PCDHGA5: variants seen among roughly 807,000 people sequenced by gnomAD.
PCDHGA5 encodes the protein protocadherin gamma subfamily A, 5, also known as protocadherin gamma-A5.
PCDHGA5 carries 36 observed loss-of-function variants against 56.7 expected under a neutral mutation model. The ratio of observed to expected loss-of-function variants is 0.64; its 90% CI spans 0.49 to 0.84. The LOEUF is 0.84. Among genes scored for constraint, PCDHGA5 ranks in the 40% least tolerant of loss-of-function variants. The pLI is 0.00. For synonymous variants in PCDHGA5, 563 were observed against 520.2 expected (o/e 1.08, Z -1.12); for missense variants, 1,305 against 1,201.5 (o/e 1.09, Z -1.27).
At chr5:141,428,124 C>G in intron 1 of PCDHGA5, 2 of 1,605,400 alleles carry the variant, frequency 1.2e-6, no homozygotes, top group Non-Finnish European at 1.7e-6. Flanking sequence ...CGAGCCCGGG[C>G]TTTTCAGCCT....
chr5:141,390,207 C>G (rs1359982168), intron 1 of PCDHGA5: 5 of 1,614,028 alleles, frequency 3.1e-6, no homozygotes, highest in African/African-American at 1.3e-5. Flanking sequence ...GAGTTCAGGA[C>G]AAGACATACT....
intron 1 of PCDHGA5, chr5:141,420,142 G>T: frequency 4.3e-6 from 7 of 1,614,004 alleles, no homozygotes; most frequent in Non-Finnish European, 5.9e-6. Flanking sequence ...GGGATCAAAT[G>T]AATCCAGAAT....
In PCDHGA5 at chr5:141,485,031, C is replaced by A; in HGVS notation, c.2422-9776C>A. On this transcript the variant is annotated intron_variant, in intron 1 of 3. Coordinates refer to ENST00000518069, the MANE Select transcript of PCDHGA5 (RefSeq NM_018918.3). The surrounding 1 kb of genome is among the most constrained non-coding windows in gnomAD (Gnocchi z 5.7). Reference sequence around the variant, plus strand: ...TACCCCGCCACCAGCAAAAACGGCGCGTAACCCTTGCGGCGCCGGCCGAAC... The same window carrying A: ...TACCCCGCCACCAGCAAAAACGGCGAGTAACCCTTGCGGCGCCGGCCGAAC... The A allele has an allele frequency of 1.5e-6, 1 of 680,514 alleles. No homozygotes were observed. Among genetic ancestry groups the A allele is most frequent in the South Asian group, 1.8e-5 (1 of 54,868 alleles). 42.2% of individuals were successfully genotyped at this position (680,514 alleles called of 1,614,324 possible). A position where few individuals can be genotyped will look rare whatever the true frequency, so the allele number is the denominator to read the frequency against.
intron 1 of PCDHGA5, among the ~76,000 whole-genome samples, chr5:141,483,613 C>A (rs2099583607): frequency 6.6e-6 from 1 of 151,914 alleles, no homozygotes; most frequent in South Asian, 2.1e-4. Context: ...ACACCTCCAT[C>A]ATTCCCATGG....
Position 141,491,925 on chromosome 5 carries a change from G to C in PCDHGA5, c.2422-2882G>C. On this transcript the variant is annotated intron_variant, in intron 1 of 3. Coordinates refer to ENST00000518069, the MANE Select transcript of PCDHGA5 (RefSeq NM_018918.3). This position sits in a 1 kb window ranked among gnomAD's most constrained non-coding sequence, Gnocchi z 6.9. ...GGGTGGTGGCGACTGTGGGCGAGGG[G>C]AGGTGGGACCGACCCCCACCCCTAC... 1 of 1,325,176 alleles carries C rather than the reference G, an allele frequency of 7.5e-7. No individual in the cohort carries two copies. Among genetic ancestry groups the C allele is most frequent in the Non-Finnish European group, 1.0e-6 (1 of 987,300 alleles). The allele number at this position is 1,325,176 out of a possible 1,614,324, so 82.1% of individuals were successfully genotyped here.
At chr5:141,383,430 C>T in intron 1 of PCDHGA5, 1 of 1,614,016 alleles carries the variant, frequency 6.2e-7, no homozygotes, top group Non-Finnish European at 8.5e-7. Context: ...CCAATCGCCA[C>T]TTCTCCCTGG....
At position 141,432,181 on chromosome 5, in the gene PCDHGA5, G is replaced by A. The variant is rs1443322706; in HGVS notation, c.2422-62626G>A. 3.7e-6 allele frequency: 6 copies of A among 1,614,116 alleles called. No homozygotes were observed. In the South Asian group the frequency reaches 6.6e-5, roughly 18 times the overall value. On this transcript the variant is annotated intron_variant, in intron 1 of 3. Coordinates refer to ENST00000518069, the MANE Select transcript of PCDHGA5 (RefSeq NM_018918.3). This position sits in a 1 kb window ranked among gnomAD's most constrained non-coding sequence, Gnocchi z 6.0. ...CCAGAGGAGTTTCCCTCGTCTCTGTGACCGCCCACGACCCCGACTGTGAAG... is the reference window on the plus strand; with the variant it reads ...CCAGAGGAGTTTCCCTCGTCTCTGTAACCGCCCACGACCCCGACTGTGAAG...
intron 1 of PCDHGA5, among the ~76,000 whole-genome samples, chr5:141,437,550 A>T (rs866913156): frequency 6.6e-6 from 1 of 152,192 alleles, no homozygotes; most frequent in African/African-American, 2.4e-5. Context: ...AGTTTTCTTT[A>T]TGACATGTAA....
intron 1 of PCDHGA5, chr5:141,415,950 A>G (rs996935488): frequency 4.0e-6 from 2 of 498,646 alleles, no homozygotes; most frequent in Non-Finnish European, 6.1e-6. Flanking sequence ...GGGTGGTCAC[A>G]TATTGAAACT....
intron 1 of PCDHGA5, chr5:141,418,282 A>G (rs1209026046): frequency 6.2e-7 from 1 of 1,614,030 alleles, no homozygotes; most frequent in Admixed American, 1.7e-5. Flanking sequence ...TAAACTTAGA[A>G]ATCAGTGAAT....
In PCDHGA5 at chr5:141,491,958, A is replaced by C; in HGVS notation, c.2422-2849A>C. The C allele has an allele frequency of 2.0e-6, 2 of 999,758 alleles. No homozygotes were observed. Among genetic ancestry groups the C allele is most frequent in the Non-Finnish European group, 2.8e-6 (2 of 718,534 alleles). The allele number at this position is 999,758 out of a possible 1,614,324, so 61.9% of individuals were successfully genotyped here. The stretch of plus-strand genomic sequence containing the variant: ...ACCGACCCCCACCCCTACACTCAAA[A>C]AAGGCCGGGGCCTCCTTCGAGCTTC... On this transcript the variant is annotated intron_variant, in intron 1 of 3. Coordinates refer to ENST00000518069, the MANE Select transcript of PCDHGA5 (RefSeq NM_018918.3). The surrounding 1 kb of genome is among the most constrained non-coding windows in gnomAD (Gnocchi z 6.9).
chr5:141,372,357 T>C (rs756040915), intron 1 of PCDHGA5: 19 of 1,613,806 alleles, frequency 1.2e-5, no homozygotes, highest in Non-Finnish European at 1.4e-5. Context: ...GCAGCCTCTT[T>C]CAGCCACCGT....
rs1055747392 is a variant in PCDHGA5 at position 141,490,298 on chromosome 5, C to G, written c.2422-4509C>G. 6.2e-7 allele frequency: 1 copy of G among 1,614,178 alleles called. No individual in the cohort carries two copies. The highest frequency in any genetic ancestry group is 1.3e-5 in the African/African-American group (1 of 75,036). On this transcript the variant is annotated intron_variant, in intron 1 of 3. Transcript: ENST00000518069. The surrounding 1 kb of genome is among the most constrained non-coding windows in gnomAD (Gnocchi z 5.4). ...GACAATGCCCCAGAGGTGCTATTGG[C>G]CTCTTTGGCCAACCCTGTCCTAGAG...
At chr5:141,433,951 A>G (rs2097667078) in intron 1 of PCDHGA5, among the ~76,000 whole-genome samples, 1 of 152,032 alleles carries the variant, frequency 6.6e-6, no homozygotes, top group African/African-American at 2.4e-5. Context: ...TGTTTCTTCT[A>G]CAGTTGTTAA....
chr5:141,437,377 A>G (rs1021305426), intron 1 of PCDHGA5, among the ~76,000 whole-genome samples: 3 of 152,246 alleles, frequency 2.0e-5, no homozygotes, highest in Non-Finnish European at 2.9e-5. Flanking sequence ...AATCAGTCAG[A>G]AGACATTCAT....
chr5:141,467,476 G>C (rs114088806), intron 1 of PCDHGA5, among the ~76,000 whole-genome samples: 1,866 of 152,156 alleles, frequency 0.012, 41 homozygotes, highest in African/African-American at 0.043. Flanking sequence ...CATGGTTTTT[G>C]GTTTCCACAT....
intron 1 of PCDHGA5, among the ~76,000 whole-genome samples, chr5:141,467,296 A>T (rs1032802325): frequency 1.3e-5 from 2 of 151,740 alleles, no homozygotes; most frequent in South Asian, 4.2e-4. Flanking sequence ...CAAGTGATCC[A>T]CTCACCTCGG....
chr5:141,432,126 C>T lies in PCDHGA5; in HGVS notation c.2422-62681C>T. ...AACCCGCCGGTCTTCCCTCAGGCCTCCTATTCCGCTTATATCCCAGAGAAC... is the reference window on the plus strand; with the variant it reads ...AACCCGCCGGTCTTCCCTCAGGCCTTCTATTCCGCTTATATCCCAGAGAAC... On this transcript the variant is annotated intron_variant, in intron 1 of 3. Coordinates refer to ENST00000518069, the MANE Select transcript of PCDHGA5 (RefSeq NM_018918.3). This position sits in a 1 kb window ranked among gnomAD's most constrained non-coding sequence, Gnocchi z 6.0. The T allele has an allele frequency of 1.2e-6, 2 of 1,614,144 alleles. No homozygotes were observed. Among genetic ancestry groups the T allele is most frequent in the Non-Finnish European group, 1.7e-6 (2 of 1,180,028 alleles).
chr5:141,476,831 G>C lies in PCDHGA5; in HGVS notation c.2422-17976G>C, dbSNP rs779348525. ...TCACATCAAGGTGCTGGACGCGAAT[G>C]ACAATGCGCCTGTCTTCAACCAGTC... On this transcript the variant is annotated intron_variant, in intron 1 of 3. Transcript: ENST00000518069. This position sits in a 1 kb window ranked among gnomAD's most constrained non-coding sequence, Gnocchi z 7.6. 1 of 1,613,504 alleles carries C rather than the reference G, an allele frequency of 6.2e-7. No homozygotes were observed. Among genetic ancestry groups the C allele is most frequent in the Non-Finnish European group, 8.5e-7 (1 of 1,180,050 alleles).
Sources: allele counts gnomAD v4.1 joint callset (sites outside exome capture counted in the v4.1 genomes callset), GRCh38; gene constraint gnomAD v4.1.1; non-coding constraint Gnocchi (gnomAD v3.1); transcripts MANE v1.5; gene names NCBI Gene and HGNC (gene_info 2026-07-23, HGNC 2026-07-21).